The following NEDD9 variants were observed in gnomAD, a reference collection of about 807,000 sequenced individuals.
NEDD9 encodes enhancer of filamentation 1.
In NEDD9, 26 loss-of-function variants were observed where a neutral mutation model predicts 76.6. That is an observed-to-expected ratio of 0.34 (90% CI 0.25 to 0.47). The LOEUF (loss-of-function observed/expected upper bound fraction) is 0.47, where lower values mean the gene tolerates loss of function less well. NEDD9 is among the 20% of genes least tolerant of loss of function. NEDD9 has a pLI of 1.00. For missense variants in NEDD9, 937 were observed against 1,058.5 expected, an observed-to-expected ratio of 0.89 and a Z score of 1.59; for synonymous variants, 392 against 414.2, an observed-to-expected ratio of 0.95 and a Z score of 0.65.
intron 1 of NEDD9, among the ~76,000 whole-genome samples, chr6:11,350,033 G>A (rs905921748): frequency 6.6e-6 from 1 of 152,226 alleles, no homozygotes; most frequent in South Asian, 2.1e-4. Context: ...AGGCTGAGAT[G>A]TTCATAGTTC....
chr6:11,354,243 T>C (rs1192173884), intron 1 of NEDD9, among the ~76,000 whole-genome samples: 1 of 152,180 alleles, frequency 6.6e-6, no homozygotes, highest in South Asian at 2.1e-4. Flanking sequence ...TTGAAGAAAG[T>C]ACTGAGTCCC....
intron 1 of NEDD9, among the ~76,000 whole-genome samples, chr6:11,373,736 C>G (rs928675343): frequency 6.6e-6 from 1 of 152,158 alleles, no homozygotes; most frequent in South Asian, 2.1e-4. Context: ...GCCAAGGTAC[C>G]TAGATATTGA....
intron 1 of NEDD9, among the ~76,000 whole-genome samples, chr6:11,230,280 A>G (rs1289217243): frequency 6.6e-5 from 10 of 152,366 alleles, no homozygotes; most frequent in Admixed American, 3.9e-4. Context: ...GGTCAACGAT[A>G]GCTCTTTCTC....
intron 1 of NEDD9, among the ~76,000 whole-genome samples, chr6:11,371,113 A>C (rs752104028): frequency 3.9e-5 from 6 of 152,166 alleles, no homozygotes; most frequent in Non-Finnish European, 5.9e-5. Flanking sequence ...TTAAAAAAAG[A>C]CTATTTTTTA....
rs542771743 is a variant in NEDD9 at position 11,238,840 on chromosome 6, T to G, written c.13-25113A>C. On this transcript the variant is annotated intron_variant, in intron 3 of 3. Transcript: ENST00000397378. ...AGTATGAGCCGCAGTAGGCTTAGTA[T>G]GAGGCTATGGAATCTACCCGTTTAA... Among the ~76,000 whole-genome samples, 3 of 152,290 alleles carry G rather than the reference T, an allele frequency of 2.0e-5. No individual in the cohort carries two copies. The South Asian group carries it at 6.2e-4, about 32-fold the overall frequency.
chr6:11,204,732 A>AAAG (rs1758552528), intron 2 of NEDD9, among the ~76,000 whole-genome samples: 1 of 150,494 alleles, frequency 6.6e-6, no homozygotes, highest in African/African-American at 2.4e-5. Flanking sequence ...AAAAAAAAAA[A>AAAG]AAAAAGAAAG....
intron 2 of NEDD9, among the ~76,000 whole-genome samples, chr6:11,206,166 C>A (rs1315462999): frequency 6.6e-6 from 1 of 152,036 alleles, no homozygotes; most frequent in Non-Finnish European, 1.5e-5. Flanking sequence ...TGTCTGTAAT[C>A]CCAGCACTTT....
intron 3 of NEDD9, among the ~76,000 whole-genome samples, chr6:11,291,367 C>A (rs538386954): frequency 6.6e-6 from 1 of 150,780 alleles, no homozygotes; most frequent in African/African-American, 2.5e-5. Flanking sequence ...CTCCGCCTCC[C>A]GGGTTCACGC....
At chr6:11,352,022 A>G (rs1055658815) in intron 1 of NEDD9, 1 of 152,252 alleles carries the variant, frequency 6.6e-6, no homozygotes, top group Non-Finnish European at 1.5e-5. Flanking sequence ...TTTCACTGTA[A>G]GGTGGGTCAA....
At chr6:11,287,743 G>A (rs954322243) in intron 3 of NEDD9, among the ~76,000 whole-genome samples, 1 of 152,154 alleles carries the variant, frequency 6.6e-6, no homozygotes, top group African/African-American at 2.4e-5. Flanking sequence ...CTTCCAGATG[G>A]GGTTGGAGTT....
At chr6:11,375,653 A>C (rs1219067891) in intron 1 of NEDD9, among the ~76,000 whole-genome samples, 4 of 151,916 alleles carry the variant, frequency 2.6e-5, no homozygotes, top group African/African-American at 9.7e-5. Flanking sequence ...TGGTTGTTTA[A>C]AGGACTCTGG....
At chr6:11,360,899 G>A (rs1005342416) in intron 1 of NEDD9, among the ~76,000 whole-genome samples, 4 of 152,224 alleles carry the variant, frequency 2.6e-5, no homozygotes, top group African/African-American at 9.6e-5. Context: ...GACAATGGAA[G>A]AGAAAGAACA....
intron 2 of NEDD9, among the ~76,000 whole-genome samples, chr6:11,205,022 C>T (rs1758568026): frequency 6.6e-6 from 1 of 152,328 alleles, no homozygotes; most frequent in Admixed American, 6.5e-5. Flanking sequence ...TGATTTAGCG[C>T]CCAAATTGCT....
chr6:11,368,494 A>G (rs970278573), intron 1 of NEDD9, among the ~76,000 whole-genome samples: 2 of 152,234 alleles, frequency 1.3e-5, no homozygotes, highest in Non-Finnish European at 2.9e-5. Context: ...CTTTAAACCC[A>G]CTTGGAAAAA....
At position 11,253,518 on chromosome 6, in the gene NEDD9, C is replaced by T. The variant is rs527338115; in HGVS notation, c.13-39791G>A. 9.2e-5 allele frequency among the ~76,000 whole-genome samples: 14 copies of T among 152,246 alleles called. 1 individual carries two copies. The East Asian group carries it at 1.4e-3, about 15-fold the overall frequency. On this transcript the variant is annotated intron_variant, in intron 3 of 3. Transcript: ENST00000397378. ...CCCGTGCCCCAGGACAAACTCACACCGCATGGGAATGAAAACCTGAACTTT... is the reference window on the plus strand; with the variant it reads ...CCCGTGCCCCAGGACAAACTCACACTGCATGGGAATGAAAACCTGAACTTT...
chr6:11,363,117 T>C (rs1236492399), intron 1 of NEDD9, among the ~76,000 whole-genome samples: 1 of 152,208 alleles, frequency 6.6e-6, no homozygotes, highest in African/African-American at 2.4e-5. Flanking sequence ...TTTCAATGCA[T>C]AGACTTTGGT....
intron 1 of NEDD9, among the ~76,000 whole-genome samples, chr6:11,369,655 A>C (rs1383291234): frequency 6.6e-6 from 1 of 152,236 alleles, no homozygotes; most frequent in East Asian, 1.9e-4. Flanking sequence ...AAAACATTTA[A>C]AAATATTTGG....
intron 3 of NEDD9, among the ~76,000 whole-genome samples, chr6:11,289,323 A>G (rs1179039071): frequency 6.6e-6 from 1 of 152,228 alleles, no homozygotes; most frequent in Non-Finnish European, 1.5e-5. Flanking sequence ...AAGGCAGCTA[A>G]ATTAAGTAAT....
chr6:11,225,001 A>C (rs1449175311), intron 1 of NEDD9, among the ~76,000 whole-genome samples: 2 of 152,230 alleles, frequency 1.3e-5, no homozygotes, highest in Non-Finnish European at 2.9e-5. Flanking sequence ...ACAATGCCTT[A>C]AGAAGTAGAC....
Sources: allele counts gnomAD v4.1 joint callset (sites outside exome capture counted in the v4.1 genomes callset), GRCh38; gene constraint gnomAD v4.1.1; transcripts MANE v1.5; gene names NCBI Gene and HGNC (gene_info 2026-07-23, HGNC 2026-07-21).